UMOD: variants seen among roughly 807,000 people sequenced by gnomAD.
The protein encoded by UMOD is Tamm-Horsfall urinary glycoprotein.
UMOD carries 64 observed loss-of-function variants against 66.0 expected under a neutral mutation model. That is an observed-to-expected ratio of 0.97 (90% CI 0.79 to 1.19). The LOEUF (loss-of-function observed/expected upper bound fraction) is 1.19. UMOD is among the 50% of genes most tolerant of loss of function. The pLI is 0.00. For missense variants in UMOD, 764 were observed against 850.9 expected (o/e 0.90, Z 1.27); for synonymous variants, 398 against 352.7 (o/e 1.13, Z -1.44).
At position 20,348,244 on chromosome 16, in the gene UMOD, T is replaced by G. The variant is rs1239258185; in HGVS notation, c.952A>C (p.Lys318Gln). ...TCACCAGTGATGTTGAAGTCCTGTT[T>G]GCACTGGCAGTGCCATCTGCCATTA... ...SNNGRWHCQC[K>Q]QDFNITDISL... Residue 318 changes from lysine (K) to glutamine (Q), a missense_variant, in exon 4 of 11, where the codon AAA (lysine) becomes CAA (glutamine). Transcript: ENST00000396138. 3 of 1,614,006 alleles carry G rather than the reference T, an allele frequency of 1.9e-6. No homozygotes were observed. The Admixed American group carries it at 5.0e-5, about 27-fold the overall frequency.
upstream of UMOD, among the ~76,000 whole-genome samples, chr16:20,354,322 C>T (rs1965997351): frequency 6.6e-6 from 1 of 152,108 alleles, no homozygotes; most frequent in African/African-American, 2.4e-5. Context: ...AGAGGTAGCA[C>T]AGCTGTAGGA....
At chr16:20,342,218 G>T (rs899607575) in intron 6 of UMOD, among the ~76,000 whole-genome samples, 3 of 152,184 alleles carry the variant, frequency 2.0e-5, no homozygotes, top group African/African-American at 7.2e-5. Flanking sequence ...GTGGTGTGGT[G>T]GCATGTGTCT....
In UMOD at chr16:20,333,247, G is replaced by T. The variant is rs926186800; in HGVS notation, c.*67C>A. 2 of 1,491,848 alleles carry T rather than the reference G, an allele frequency of 1.3e-6. No homozygotes were observed. The highest frequency in any genetic ancestry group is 1.4e-5 in the African/African-American group (1 of 72,364). The allele number at this position is 1,491,848 out of a possible 1,614,324, so 92.4% of individuals were successfully genotyped here. A position where few individuals can be genotyped will look rare whatever the true frequency, so the allele number is the denominator to read the frequency against. ...TTTTCTGTGGCTGGAGCACTGGCCC[G>T]CATCATGCCCCCTGCCCAGCAGGAG... On this transcript the variant is annotated 3_prime_UTR_variant, in exon 11 of 11. Transcript: ENST00000396138.
chr16:20,346,000 CA>C (rs1409315560), intron 5 of UMOD, 125 bp downstream of exon 5: 3 of 800,598 alleles, frequency 3.7e-6, no homozygotes, highest in Admixed American at 2.4e-5. Context: ...CTCCACTTTA[CA>C]GTTGATGAAA....
At chr16:20,340,042 A>G (rs1473405268) in intron 7 of UMOD, among the ~76,000 whole-genome samples, 3 of 152,232 alleles carry the variant, frequency 2.0e-5, no homozygotes, top group East Asian at 3.9e-4. Context: ...TGCCCTGGGC[A>G]AGCCTTTCCA....
chr16:20,346,135 T>C lies in UMOD; in HGVS notation c.1173A>G (p.Thr391=), dbSNP rs774080980. 8 of 1,613,744 alleles carry C rather than the reference T, an allele frequency of 5.0e-6. No individual in the cohort carries two copies. The Admixed American group carries it at 5.0e-5, about 10-fold the overall frequency. Residue 391 remains threonine (T), a synonymous_variant, in exon 5 of 11, where the codon ACA becomes ACG. Transcript: ENST00000396138. Reference sequence around the variant, plus strand: ...ACTGGCCAGGACGTACCGTCAACACTGTCCCACAGGGGCCATCCCGGGCTG... The same window carrying C: ...ACTGGCCAGGACGTACCGTCAACACCGTCCCACAGGGGCCATCCCGGGCTG... The part of the protein sequence containing the change: ...VTPARDGPCG[T]VLTRNETHAT...
chr16:20,336,512 T>A, intron 9 of UMOD, 134 bp downstream of exon 9: 1 of 783,706 alleles, frequency 1.3e-6, no homozygotes, highest in Non-Finnish European at 2.2e-6. Context: ...GTATTCCACC[T>A]TGCCCCAGAG....
At chr16:20,346,955 T>C (rs546233722) in intron 4 of UMOD, among the ~76,000 whole-genome samples, 14 of 152,300 alleles carry the variant, frequency 9.2e-5, no homozygotes, top group African/African-American at 3.4e-4. Context: ...CCTTTTCACA[T>C]CAAGGAGACA....
Position 20,348,812 on chromosome 16 carries a change from G to T in UMOD, c.489C>A (p.Pro163=), listed in dbSNP as rs558205185. The T allele has an allele frequency of 6.5e-7, 1 of 1,545,586 alleles. No individual in the cohort carries two copies. The change falls in exon 3 of 11, where the codon CCC becomes CCA. Residue 163 remains proline, a synonymous_variant. Coordinates refer to ENST00000396138, the MANE Select transcript of UMOD (RefSeq NM_003361.4). The part of the protein sequence containing the change: ...GSCGPGLDCV[P]EGDALVCADP... ...CCGCGCACACGAGCGCGTCGCCCTCGGGCACGCAGTCCAACCCCGGCCCGC... is the reference window on the plus strand; with the variant it reads ...CCGCGCACACGAGCGCGTCGCCCTCTGGCACGCAGTCCAACCCCGGCCCGC...
chr16:20,347,054 G>A (rs7203451), intron 4 of UMOD, among the ~76,000 whole-genome samples: 54,457 of 151,682 alleles, frequency 0.36, 10,470 homozygotes, highest in African/African-American at 0.51. Flanking sequence ...TTCTCTCTTC[G>A]GCGACAAGCC....
At chr16:20,352,591 CT>C (rs1466632314) in intron 1 of UMOD, 97 bp downstream of exon 1, 1 of 930,828 alleles carries the variant, frequency 1.1e-6, no homozygotes, top group Non-Finnish European at 1.4e-6. Context: ...AAATCCAGGT[CT>C]GACCCCAGTG....
At position 20,344,010 on chromosome 16, in the gene UMOD, C is replaced by G; in HGVS notation, c.1331+14G>C. ...GAACCATCTAGGGGCCCTAGGGACC[C>G]TCTCTGGCCACACCTGACCATTGGC... On this transcript the variant is annotated intron_variant, in intron 6 of 10. Coordinates refer to ENST00000396138, the MANE Select transcript of UMOD (RefSeq NM_003361.4). 6.2e-7 allele frequency: 1 copy of G among 1,613,266 alleles called. No homozygotes were observed. The highest frequency in any genetic ancestry group is 1.1e-5 in the South Asian group (1 of 91,024).
At chr16:20,339,812 T>C (rs8051744) in intron 7 of UMOD, among the ~76,000 whole-genome samples, 152,368 of 152,370 alleles carry the variant, frequency 1, 76,183 homozygotes, top group Middle Eastern at 1. Flanking sequence ...GGTTTTTGTT[T>C]CTTCTATTTA....
intron 7 of UMOD, 91 bp from the exon 8 acceptor site, chr16:20,337,544 C>G: frequency 1.3e-6 from 2 of 1,546,154 alleles, no homozygotes; most frequent in South Asian, 2.3e-5. Flanking sequence ...TGTCACCTTT[C>G]AGCTGTGTGA....
At chr16:20,336,499 T>A (rs566744649) in intron 9 of UMOD, 147 bp downstream of exon 9, 8 of 721,112 alleles carry the variant, frequency 1.1e-5, no homozygotes, top group Non-Finnish European at 2.0e-5. Context: ...AGGAAGGCAG[T>A]CTGTATTCCA....
rs1596537745 is a variant in UMOD, at chr16:20,335,428, G to A, written c.1861+54C>T. On this transcript the variant is annotated intron_variant, in intron 10 of 10. Transcript: ENST00000396138. ...AAGCATTACAAGTTAACAGATAGAA[G>A]CCCCCCAGGAGAGTTCTGGAACAGG... 53 of 1,567,918 alleles carry A rather than the reference G, an allele frequency of 3.4e-5. No homozygotes were observed. The East Asian group carries it at 1.1e-3, about 33-fold the overall frequency.
rs917737950 is a variant in UMOD, at chr16:20,349,162, C to T, written c.139G>A (p.Val47Ile). The T allele has an allele frequency of 5.6e-6, 9 of 1,614,088 alleles. No homozygotes were observed. The highest frequency in any genetic ancestry group is 2.2e-5 in the East Asian group (1 of 44,874). The change falls in exon 3 of 11, where the codon GTT becomes ATT. Residue 47 changes from valine (V) to isoleucine (I), a missense_variant. Coordinates refer to ENST00000396138, the MANE Select transcript of UMOD (RefSeq NM_003361.4). ...CCCTCCTGACAGGTGCACGTCGTAA[C>T]GGCCTCATCCTCCGTGCAGGTGGCA... ...SNATCTEDEA[V>I]TTCTCQEGFT... is the part of the protein sequence containing the mutation.
At chr16:20,339,929 G>A (rs1222319329) in intron 7 of UMOD, among the ~76,000 whole-genome samples, 1 of 152,126 alleles carries the variant, frequency 6.6e-6, no homozygotes, top group Non-Finnish European at 1.5e-5. Context: ...TAGTCATCTA[G>A]TGCCTCTTGA....
Position 20,350,653 on chromosome 16 carries a change from C to T in UMOD, c.85G>A (p.Ala29Thr), listed in dbSNP as rs1015019402. 6.2e-7 allele frequency: 1 copy of T among 1,614,176 alleles called. No individual in the cohort carries two copies. Among genetic ancestry groups the T allele is most frequent in the South Asian group, 1.1e-5 (1 of 91,074 alleles). ...CGCACACACACTTTTCACTTACTTGCTTCTGAGGTGTCAGTGGCTGCAGTT... is the reference window on the plus strand; with the variant it reads ...CGCACACACACTTTTCACTTACTTGTTTCTGAGGTGTCAGTGGCTGCAGTT... ...ITTAATDTSEARWCSECHSNA... is the reference protein window; with the variant it reads ...ITTAATDTSETRWCSECHSNA... The change falls in exon 2 of 11, where the codon GCA becomes ACA. Residue 29 changes from alanine (A) to threonine (T), a missense_variant. Ala to Thr is a moderately conservative substitution (Grantham distance 58). Transcript: ENST00000396138.
Sources: allele counts gnomAD v4.1 joint callset (sites outside exome capture counted in the v4.1 genomes callset), GRCh38; gene constraint gnomAD v4.1.1; transcripts MANE v1.5; gene names NCBI Gene and HGNC (gene_info 2026-07-23, HGNC 2026-07-21).